CEP57L1: variants seen among roughly 807,000 people sequenced by gnomAD.
CEP57L1 encodes the protein centrosomal protein 57 like 1.
Under a neutral mutation model 61.0 loss-of-function variants are expected in CEP57L1, and 37 were observed. The observed-to-expected ratio is 0.61, with a 90% CI of 0.47 to 0.80. The LOEUF (loss-of-function observed/expected upper bound fraction) is 0.80, where lower values mean the gene tolerates loss of function less well. CEP57L1 is among the 30% of genes least tolerant of loss of function. CEP57L1 has a pLI of 0.00. For missense variants in CEP57L1, 422 were observed against 524.7 expected (o/e 0.80, Z 1.91); for synonymous variants, 137 against 162.3 (o/e 0.84, Z 1.19).
intron 1 of CEP57L1, among the ~76,000 whole-genome samples, chr6:109,102,028 CT>C (rs781126513): frequency 6.6e-5 from 10 of 152,176 alleles, no homozygotes; most frequent in Non-Finnish European, 1.5e-4. Flanking sequence ...GTGTTTTGGA[CT>C]TTAGCTGTTC....
intron 1 of CEP57L1, among the ~76,000 whole-genome samples, chr6:109,141,195 C>T (rs1207099593): frequency 6.6e-6 from 1 of 151,910 alleles, no homozygotes; most frequent in Non-Finnish European, 1.5e-5. Flanking sequence ...AAGATGAAGC[C>T]TTAAATGGAT....
At position 109,127,912 on chromosome 6, in the gene CEP57L1, G is replaced by C. The variant is rs576009355; in HGVS notation, c.-3-17307G>C. On this transcript the variant is annotated intron_variant, in intron 1 of 10. Transcript: ENST00000517392. ...CAAAGTGCTGGGATTACAGACATGA[G>C]CCACTGCGGCCGACCAAACCTGTGA... Among the ~76,000 whole-genome samples the C allele has an allele frequency of 1.1e-4, 17 of 152,168 alleles. No individual in the cohort carries two copies. The South Asian group carries it at 3.5e-3, about 32-fold the overall frequency.
intron 1 of CEP57L1, among the ~76,000 whole-genome samples, chr6:109,112,490 G>T (rs1360047595): frequency 6.6e-6 from 1 of 151,810 alleles, no homozygotes; most frequent in Non-Finnish European, 1.5e-5. Context: ...TTTTTTGAAG[G>T]GTTTTTGTGT....
In CEP57L1 at chr6:109,172,697, A is replaced by G. The variant is rs1306406954; in HGVS notation, c.*9727A>G. On this transcript the variant is annotated 3_prime_UTR_variant, in exon 11 of 11. Coordinates refer to ENST00000517392, the MANE Select transcript of CEP57L1 (RefSeq NM_001271852.3). ...TTCCTCCTAAAGCATGGAATTGGCC[A>G]TAAATTTGCTTAGTGATTTTCTGAT... is the stretch of plus-strand genomic sequence containing the variant. 6.6e-6 allele frequency among the ~76,000 whole-genome samples: 1 copy of G among 152,220 alleles called. No homozygotes were observed. Among genetic ancestry groups the G allele is most frequent in the Non-Finnish European group, 1.5e-5 (1 of 68,040 alleles).
rs976891306 is a variant in CEP57L1, at chr6:109,167,994, A to G, written c.*5024A>G. Among the ~76,000 whole-genome samples, 9 of 152,258 alleles carry G rather than the reference A, an allele frequency of 5.9e-5. No homozygotes were observed. The highest frequency in any genetic ancestry group is 2.2e-4 in the African/African-American group (9 of 41,466). On this transcript the variant is annotated 3_prime_UTR_variant, in exon 11 of 11. Transcript: ENST00000517392. The stretch of plus-strand genomic sequence containing the variant: ...TATATATATTTAAAAGGAAGAAAAC[A>G]GTAAGTGACATGAAAGGCATAATGA...
rs1782041111 is a variant in CEP57L1, at chr6:109,098,941, C to G, written c.-4+3366C>G. Among the ~76,000 whole-genome samples the G allele has an allele frequency of 2.0e-5, 3 of 152,188 alleles. No homozygotes were observed. The South Asian group carries it at 6.2e-4, about 31-fold the overall frequency. On this transcript the variant is annotated intron_variant, in intron 1 of 10. Transcript: ENST00000517392. ...TAGTATAGCCAACAGACTTTGCTGA[C>G]AGATTGTGTGAGAGTAAGAGTCAAA...
At chr6:109,112,782 G>A (rs1281892210) in intron 1 of CEP57L1, among the ~76,000 whole-genome samples, 2 of 151,984 alleles carry the variant, frequency 1.3e-5, no homozygotes, top group Admixed American at 6.6e-5. Context: ...GTAGTTATTC[G>A]GGAGCAGGTT....
chr6:109,135,480 A>G (rs948667611), intron 1 of CEP57L1, among the ~76,000 whole-genome samples: 35 of 152,200 alleles, frequency 2.3e-4, no homozygotes, highest in Non-Finnish European at 4.6e-4. Context: ...AACCTAGGCA[A>G]TACCATTCAG....
At position 109,131,224 on chromosome 6, in the gene CEP57L1, G is replaced by GA. The variant is rs145880823; in HGVS notation, c.-3-13994dup. On this transcript the variant is annotated intron_variant, in intron 1 of 10. Transcript: ENST00000517392. ...TACTTAAACTGCTTCTAAATTTCTGGATTTGATGGTTACTATAGTATTCCT... is the reference window on the plus strand; with the variant it reads ...TACTTAAACTGCTTCTAAATTTCTGGAATTTGATGGTTACTATAGTATTCCT... 8.3e-3 allele frequency among the ~76,000 whole-genome samples: 1,258 copies of GA among 152,144 alleles called. 22 individuals carry two copies. The highest frequency in any genetic ancestry group is 0.029 in the African/African-American group (1,207 of 41,516).
At chr6:109,118,029 G>A (rs1772501952) in intron 1 of CEP57L1, among the ~76,000 whole-genome samples, 1 of 152,202 alleles carries the variant, frequency 6.6e-6, no homozygotes. Context: ...TAAGTAAAAT[G>A]TATATAGTTG....
Position 109,162,730 on chromosome 6 carries a change from GA to G in CEP57L1, c.1162-18del. ...TAGTATATTTTTGACTAAAATGTTAGATTTTTTTTTCTCTCCAGGTCTGTAA... is the reference window on the plus strand; with the variant it reads ...TAGTATATTTTTGACTAAAATGTTAGTTTTTTTTTCTCTCCAGGTCTGTAA... On this transcript the variant is annotated intron_variant, in intron 10 of 10. Coordinates refer to ENST00000517392, the MANE Select transcript of CEP57L1 (RefSeq NM_001271852.3). 3 of 1,515,552 alleles carry G rather than the reference GA, an allele frequency of 2.0e-6. No homozygotes were observed. The highest frequency in any genetic ancestry group is 1.8e-4 in the Middle Eastern group (1 of 5,682). The allele number at this position is 1,515,552 out of a possible 1,614,324, so 93.9% of individuals were successfully genotyped here. A position where few individuals can be genotyped will look rare whatever the true frequency, so the allele number is the denominator to read the frequency against.
At chr6:109,140,889 G>A (rs1269740990) in intron 1 of CEP57L1, among the ~76,000 whole-genome samples, 3 of 151,970 alleles carry the variant, frequency 2.0e-5, no homozygotes, top group South Asian at 4.2e-4. Context: ...GGAGTGCAGC[G>A]GTGCGATCTC....
chr6:109,157,019 G>A (rs991301514), intron 7 of CEP57L1: 3 of 152,016 alleles, frequency 2.0e-5, no homozygotes, highest in Non-Finnish European at 1.5e-5. Context: ...ATGTTTTATG[G>A]CATCCTTTCT....
intron 1 of CEP57L1, among the ~76,000 whole-genome samples, chr6:109,129,822 T>TAATTTAA (rs373308225): frequency 6.6e-6 from 1 of 151,520 alleles, no homozygotes; most frequent in Non-Finnish European, 1.5e-5. Context: ...ATTTTTTTTT[T>TAATTTAA]AATTTAAAAT....
At chr6:109,154,644 G>A (rs927364579) in intron 5 of CEP57L1, among the ~76,000 whole-genome samples, 15 of 152,036 alleles carry the variant, frequency 9.9e-5, no homozygotes, top group Admixed American at 4.6e-4. Flanking sequence ...GTTCACTGGA[G>A]CATATAGGAT....
intron 3 of CEP57L1, among the ~76,000 whole-genome samples, chr6:109,148,373 G>GT (rs1735832240): frequency 6.6e-6 from 1 of 151,940 alleles, no homozygotes; most frequent in African/African-American, 2.4e-5. Flanking sequence ...GCGGTGTTTG[G>GT]TTTTTTGTCC....
At chr6:109,134,378 A>C (rs1382283753) in intron 1 of CEP57L1, among the ~76,000 whole-genome samples, 1 of 152,088 alleles carries the variant, frequency 6.6e-6, no homozygotes, top group Non-Finnish European at 1.5e-5. Flanking sequence ...CATGCTAAAA[A>C]CTCTCAATAA....
intron 1 of CEP57L1, among the ~76,000 whole-genome samples, chr6:109,110,508 T>C (rs555048134): frequency 3.9e-5 from 6 of 152,348 alleles, no homozygotes; most frequent in African/African-American, 1.4e-4. Context: ...TCTTTTGCTA[T>C]GCAGAAGCTC....
At chr6:109,105,229 ATTGTC>A (rs1208276805) in intron 1 of CEP57L1, among the ~76,000 whole-genome samples, 2 of 151,886 alleles carry the variant, frequency 1.3e-5, no homozygotes, top group East Asian at 3.9e-4. Context: ...TTATTTGTAA[ATTGTC>A]TTGTTTTAAG....
Sources: allele counts gnomAD v4.1 joint callset (sites outside exome capture counted in the v4.1 genomes callset), GRCh38; gene constraint gnomAD v4.1.1; transcripts MANE v1.5; gene names NCBI Gene and HGNC (gene_info 2026-07-23, HGNC 2026-07-21).